BRI3BP: variants seen among roughly 807,000 people sequenced by gnomAD.
BRI3BP encodes BRI3 binding protein, also known as BRI3-binding protein.
A neutral mutation model predicts 15.8 loss-of-function variants in BRI3BP; 7 were observed. The observed-to-expected ratio is 0.44, with a 90% CI of 0.25 to 0.83. The LOEUF is 0.83. Ranked by LOEUF, BRI3BP falls within the 40% of genes least tolerant of loss-of-function variation. The pLI is 0.20. For missense variants in BRI3BP, 320 were observed against 339.3 expected (o/e 0.94, Z 0.45); for synonymous variants, 192 against 163.5 (o/e 1.17, Z -1.33).
the BRI3BP span, among the ~76,000 whole-genome samples, chr12:125,036,231 A>ATT: frequency 8.6e-6 from 1 of 116,934 alleles, no homozygotes; most frequent in Non-Finnish European, 1.9e-5. Context: ...CACCTGGCTA[A>ATT]TTTTTGTATT....
chr12:125,011,520 T>C (rs951313279), intron 1 of BRI3BP, among the ~76,000 whole-genome samples: 1 of 152,124 alleles, frequency 6.6e-6, no homozygotes, highest in Non-Finnish European at 1.5e-5. Flanking sequence ...GAGTGTTGCA[T>C]GAGCAAAGCA....
In BRI3BP at chr12:124,993,832, G is replaced by A. The variant is rs1046406838; in HGVS notation, c.42G>A (p.Gly14=). The A allele has an allele frequency of 3.6e-6, 4 of 1,126,496 alleles. No individual in the cohort carries two copies. Among genetic ancestry groups the A allele is most frequent in the Admixed American group, 5.5e-5 (1 of 18,212 alleles). 69.8% of individuals were successfully genotyped at this position (1,126,496 alleles called of 1,614,324 possible). The part of the protein sequence containing the change: ...RASGGPLARA[G]LLLLLLLLLL... ...CAGGCGGGCCCCTGGCCCGGGCCGG[G>A]CTCCTGCTGCTGCTGCTGCTGCTGC... Residue 14 remains glycine (G), a synonymous_variant, in exon 1 of 3, where the codon GGG becomes GGA. Transcript: ENST00000341446.
At chr12:125,006,173 A>G (rs115832496) in intron 1 of BRI3BP, among the ~76,000 whole-genome samples, 158 of 151,994 alleles carry the variant, frequency 1.0e-3, no homozygotes, top group African/African-American at 3.7e-3. Context: ...ATACAGTCCC[A>G]TTCTGAGGTC....
At chr12:125,050,299 G>A in the BRI3BP span, among the ~76,000 whole-genome samples, 1 of 151,300 alleles carries the variant, frequency 6.6e-6, no homozygotes, top group African/African-American at 2.4e-5. Context: ...GCAGTGAGCC[G>A]AGATCACGCC....
intron 2 of BRI3BP, among the ~76,000 whole-genome samples, chr12:125,016,511 TG>T (rs1234266114): frequency 2.1e-5 from 1 of 48,726 alleles, no homozygotes; most frequent in Non-Finnish European, 4.1e-5. Flanking sequence ...CTTCCTTTTT[TG>T]GGGGGGAGGG....
At chr12:125,014,043 G>T (rs1402379994) in intron 2 of BRI3BP, among the ~76,000 whole-genome samples, 1 of 152,148 alleles carries the variant, frequency 6.6e-6, no homozygotes, top group Non-Finnish European at 1.5e-5. Context: ...TGCCCAGGGT[G>T]TACAGCTTTT....
intron 1 of BRI3BP, among the ~76,000 whole-genome samples, chr12:125,008,872 G>T (rs1458246645): frequency 6.6e-6 from 1 of 152,102 alleles, no homozygotes; most frequent in Non-Finnish European, 1.5e-5. Context: ...GTTCCTTCTG[G>T]GGGTGACGCG....
intron 2 of BRI3BP, among the ~76,000 whole-genome samples, chr12:125,022,541 A>ATTTATTTATTTATTTTTTTT: frequency 0.013 from 1,797 of 139,342 alleles, 56 homozygotes; most frequent in African/African-American, 0.048. Context: ...TTATTTATTT[A>ATTTATTTATTTATTTTTTTT]TTTTTTGAGA....
intron 1 of BRI3BP, among the ~76,000 whole-genome samples, chr12:125,001,774 T>C (rs1403023360): frequency 6.6e-6 from 1 of 152,100 alleles, no homozygotes; most frequent in Non-Finnish European, 1.5e-5. Flanking sequence ...AGTTTATTCA[T>C]TGAAAGCTCA....
intron 1 of BRI3BP, 39 bp downstream of exon 1, chr12:124,994,042 G>A (rs1955019019): frequency 1.6e-6 from 2 of 1,237,042 alleles, no homozygotes; most frequent in African/African-American, 1.6e-5. Context: ...CCTTGCCCCG[G>A]TCGCCACGCA....
intron 2 of BRI3BP, among the ~76,000 whole-genome samples, chr12:125,018,292 T>C (rs902774990): frequency 1.3e-5 from 2 of 152,126 alleles, no homozygotes; most frequent in African/African-American, 4.8e-5. Context: ...TGTGTCCCCG[T>C]ATTCATCTGT....
intron 1 of BRI3BP, among the ~76,000 whole-genome samples, chr12:124,995,605 CGGG>C (rs1955034304): frequency 6.6e-6 from 1 of 152,244 alleles, no homozygotes; most frequent in East Asian, 1.9e-4. Context: ...TGGGCTAAAC[CGGG>C]GTTTGTGCCT....
chr12:125,005,993 C>T (rs1157554185), intron 1 of BRI3BP, among the ~76,000 whole-genome samples: 1 of 152,114 alleles, frequency 6.6e-6, no homozygotes, highest in Non-Finnish European at 1.5e-5. Context: ...TGAGGCCCCT[C>T]GTCTTGGCTT....
At position 125,030,446 on chromosome 12, in the gene BRI3BP, A is replaced by G. The variant is rs940687382; in HGVS notation, c.*5016A>G. The G allele has an allele frequency of 6.6e-6, 1 of 152,266 alleles. No individual in the cohort carries two copies. Among genetic ancestry groups the G allele is most frequent in the East Asian group, 1.9e-4 (1 of 5,204 alleles). 9.4% of individuals were successfully genotyped at this position (152,266 alleles called of 1,614,324 possible). A position where few individuals can be genotyped will look rare whatever the true frequency, so the allele number is the denominator to read the frequency against. ...ATACCCTTAAAATTCATACTGGACAACCATCAGTGTGATGTATAGTATCTG... is the reference window on the plus strand; with the variant it reads ...ATACCCTTAAAATTCATACTGGACAGCCATCAGTGTGATGTATAGTATCTG... On this transcript the variant is annotated 3_prime_UTR_variant, in exon 3 of 3. Transcript: ENST00000341446.
intron 1 of BRI3BP, among the ~76,000 whole-genome samples, chr12:125,009,622 G>C (rs1422474802): frequency 3.2e-5 from 2 of 62,648 alleles, no homozygotes; most frequent in African/African-American, 1.5e-4. Context: ...TTAGAGATGG[G>C]GGGGGGGTCT....
At chr12:125,001,363 T>C (rs1308033800) in intron 1 of BRI3BP, among the ~76,000 whole-genome samples, 1 of 149,670 alleles carries the variant, frequency 6.7e-6, no homozygotes, top group East Asian at 2.0e-4. Context: ...GCCCCAATTA[T>C]GCATTTTTTT....
In BRI3BP at chr12:125,026,951, T is replaced by TAA. The variant is rs34513244; in HGVS notation, c.*1536_*1537dup. 3.9e-5 allele frequency: 5 copies of TAA among 129,302 alleles called. No homozygotes were observed. The highest frequency in any genetic ancestry group is 7.8e-5 in the Admixed American group (1 of 12,862). The allele number at this position is 129,302 out of a possible 1,614,324, so 8.0% of individuals were successfully genotyped here. On this transcript the variant is annotated 3_prime_UTR_variant, in exon 3 of 3. Transcript: ENST00000341446. ...TAGGCAACAGAGCAAGACTTCATCT[T>TAA]AAAAAAAAAAAAAAAAGCCCAGCAT...
the BRI3BP span, among the ~76,000 whole-genome samples, chr12:125,037,594 G>C: frequency 6.7e-6 from 1 of 149,540 alleles, no homozygotes; most frequent in South Asian, 2.1e-4. Context: ...GGCAGATCAC[G>C]AGGCCAGGAG....
At chr12:125,040,260 C>CA in the BRI3BP span, among the ~76,000 whole-genome samples, 582 of 118,772 alleles carry the variant, frequency 4.9e-3, no homozygotes, top group Non-Finnish European at 5.5e-3. Context: ...GACTCCATCT[C>CA]AAAAAAAAAA....
Sources: allele counts gnomAD v4.1 joint callset (sites outside exome capture counted in the v4.1 genomes callset), GRCh38; gene constraint gnomAD v4.1.1; transcripts MANE v1.5; gene names NCBI Gene and HGNC (gene_info 2026-07-23, HGNC 2026-07-21).